ANTXR1: variants seen among roughly 807,000 people sequenced by gnomAD.
ANTXR1 encodes anthrax toxin receptor 1.
In ANTXR1, 19 loss-of-function variants were observed where a neutral mutation model predicts 78.1. The observed-to-expected ratio is 0.24, with a 90% CI of 0.17 to 0.36. ANTXR1 has a LOEUF of 0.36. Among genes scored for constraint, ANTXR1 ranks in the 10% least tolerant of loss-of-function variants. ANTXR1 has a pLI of 1.00. For synonymous variants in ANTXR1, 273 were observed against 260.5 expected (o/e 1.05, Z -0.46); for missense variants, 518 against 718.6 (o/e 0.72, Z 3.19).
intron 14 of ANTXR1, among the ~76,000 whole-genome samples, chr2:69,180,044 C>A (rs1674234787): frequency 6.6e-6 from 1 of 151,890 alleles, no homozygotes; most frequent in East Asian, 1.9e-4. Context: ...CCTCTCTGTC[C>A]TTTAAGATGT....
At chr2:69,224,873 ATCT>A (rs752059023) in intron 17 of ANTXR1, among the ~76,000 whole-genome samples, 1 of 152,114 alleles carries the variant, frequency 6.6e-6, no homozygotes, top group African/African-American at 2.4e-5. Context: ...ATGAAAAGAA[ATCT>A]TCTTGGAGAT....
intron 1 of ANTXR1, among the ~76,000 whole-genome samples, chr2:69,033,131 C>G (rs575025777): frequency 6.6e-6 from 1 of 152,318 alleles, no homozygotes; most frequent in East Asian, 1.9e-4. Flanking sequence ...GGGCCAGGCA[C>G]CCTGTCCTGG....
chr2:69,015,272 CAAA>C (rs10536364), intron 1 of ANTXR1, among the ~76,000 whole-genome samples: 6 of 91,798 alleles, frequency 6.5e-5, no homozygotes, highest in African/African-American at 1.8e-4. Flanking sequence ...CTTATCTTAG[CAAA>C]AAAAAAAAAA....
chr2:69,201,832 C>T (rs1017359830), intron 17 of ANTXR1, among the ~76,000 whole-genome samples: 4 of 152,100 alleles, frequency 2.6e-5, no homozygotes, highest in African/African-American at 9.7e-5. Context: ...TTGTGGAGTT[C>T]ACAGTGCCTG....
intron 12 of ANTXR1, among the ~76,000 whole-genome samples, chr2:69,129,427 C>A (rs967317377): frequency 2.0e-5 from 3 of 152,108 alleles, no homozygotes; most frequent in Non-Finnish European, 4.4e-5. Flanking sequence ...GCCTAAAATC[C>A]AGTTGGAGAA....
At chr2:69,188,634 C>A (rs1674480398) in intron 16 of ANTXR1, among the ~76,000 whole-genome samples, 1 of 152,256 alleles carries the variant, frequency 6.6e-6, no homozygotes. Context: ...TCAGCTAATA[C>A]AATCTGCCAG....
chr2:69,088,265 T>C (rs576699928), intron 8 of ANTXR1, among the ~76,000 whole-genome samples: 18 of 152,318 alleles, frequency 1.2e-4, no homozygotes, highest in African/African-American at 4.3e-4. Context: ...AAAAGGTTGG[T>C]TGAAACTCGG....
chr2:69,225,735 C>T (rs2104515465), intron 17 of ANTXR1, among the ~76,000 whole-genome samples: 1 of 152,272 alleles, frequency 6.6e-6, no homozygotes, highest in African/African-American at 2.4e-5. Flanking sequence ...CCCAAACTCC[C>T]TCTCCAGCTT....
At chr2:69,216,418 T>C (rs1184638586) in intron 17 of ANTXR1, among the ~76,000 whole-genome samples, 3 of 152,040 alleles carry the variant, frequency 2.0e-5, no homozygotes, top group African/African-American at 7.3e-5. Flanking sequence ...CACACATGCA[T>C]ATACATACAT....
chr2:69,084,165 C>T (rs1179020626), intron 8 of ANTXR1, among the ~76,000 whole-genome samples: 1 of 152,232 alleles, frequency 6.6e-6, no homozygotes, highest in Non-Finnish European at 1.5e-5. Context: ...ACGAAATCAG[C>T]TCCCAAGAAA....
chr2:69,098,865 A>G (rs1026050436), intron 9 of ANTXR1, among the ~76,000 whole-genome samples: 1 of 152,184 alleles, frequency 6.6e-6, no homozygotes, highest in Non-Finnish European at 1.5e-5. Flanking sequence ...ACATGCCTAT[A>G]ATCCCAGCTA....
chr2:69,041,188 G>T (rs906491681), intron 2 of ANTXR1, among the ~76,000 whole-genome samples: 4 of 152,174 alleles, frequency 2.6e-5, no homozygotes, highest in Non-Finnish European at 5.9e-5. Context: ...TACATGGGTG[G>T]TGTTAGAAAA....
rs577338101 is a variant in ANTXR1, at chr2:69,200,747, CATGT to C, written c.1434+7352_1434+7355del. On this transcript the variant is annotated intron_variant, in intron 17 of 17. Transcript: ENST00000303714. ...GACTAAACTCTGGCTTCCAGGAGTT[CATGT>C]ATGTATGTATGTATGTATGGTGTGC... Among the ~76,000 whole-genome samples the C allele has an allele frequency of 8.9e-4, 136 of 152,066 alleles. 1 individual carries two copies. Among genetic ancestry groups the C allele is most frequent in the Middle Eastern group, 3.4e-3 (1 of 292 alleles).
rs1258362588 is a variant in ANTXR1 at position 69,013,775 on chromosome 2, C to A, written c.152+124C>A. Reference sequence around the variant, plus strand: ...CGCATCTCCAGGGCCACAGAGGGACCGCGCGGCAGGCGGCGGCGGAGTGCT... The same window carrying A: ...CGCATCTCCAGGGCCACAGAGGGACAGCGCGGCAGGCGGCGGCGGAGTGCT... On this transcript the variant is annotated intron_variant, in intron 1 of 17. Coordinates refer to ENST00000303714, the MANE Select transcript of ANTXR1 (RefSeq NM_032208.3). The surrounding 1 kb of genome is among the most constrained non-coding windows in gnomAD (Gnocchi z 5.0). The A allele has an allele frequency of 2.0e-6, 3 of 1,485,672 alleles. No individual in the cohort carries two copies. The highest frequency in any genetic ancestry group is 2.0e-5 in the Admixed American group (1 of 50,416). The allele number at this position is 1,485,672 out of a possible 1,614,324, so 92.0% of individuals were successfully genotyped here.
intron 10 of ANTXR1, among the ~76,000 whole-genome samples, chr2:69,107,986 A>G (rs1671864930): frequency 6.6e-6 from 1 of 152,200 alleles, no homozygotes; most frequent in African/African-American, 2.4e-5. Context: ...CACCACTATT[A>G]TCTAATATTG....
At chr2:69,206,745 A>AGATTTTGCCC (rs748800405) in intron 17 of ANTXR1, among the ~76,000 whole-genome samples, 7 of 152,162 alleles carry the variant, frequency 4.6e-5, no homozygotes. Flanking sequence ...CAAAATCAGG[A>AGATTTTGCCC]ATAAGCCCAT....
At chr2:69,055,832 A>G (rs1290335638) in intron 3 of ANTXR1, among the ~76,000 whole-genome samples, 2 of 152,176 alleles carry the variant, frequency 1.3e-5, no homozygotes, top group East Asian at 1.9e-4. Flanking sequence ...GGCACCACAG[A>G]TGTAACAGAG....
chr2:69,052,966 C>T (rs1669967075), intron 3 of ANTXR1, among the ~76,000 whole-genome samples: 1 of 152,142 alleles, frequency 6.6e-6, no homozygotes, highest in Admixed American at 6.5e-5. Context: ...CTAAATTTTT[C>T]CACATGTGTA....
intron 17 of ANTXR1, among the ~76,000 whole-genome samples, chr2:69,202,530 G>A (rs981798490): frequency 2.0e-5 from 3 of 152,298 alleles, no homozygotes; most frequent in South Asian, 2.1e-4. Flanking sequence ...GATTAAGTGC[G>A]TGTGGCAGAG....
Sources: allele counts gnomAD v4.1 joint callset (sites outside exome capture counted in the v4.1 genomes callset), GRCh38; gene constraint gnomAD v4.1.1; non-coding constraint Gnocchi (gnomAD v3.1); transcripts MANE v1.5; gene names NCBI Gene and HGNC (gene_info 2026-07-23, HGNC 2026-07-21).